Variants in ADAMTS17 observed in about 807,000 individuals in gnomAD.
ADAMTS17 encodes the protein ADAM metallopeptidase with thrombospondin type 1 motif 17.
A neutral mutation model predicts 141.5 loss-of-function variants in ADAMTS17; 113 were observed. The ratio of observed to expected loss-of-function variants is 0.80; its 90% CI spans 0.69 to 0.93. The LOEUF (loss-of-function observed/expected upper bound fraction) is 0.93. Among genes scored for constraint, ADAMTS17 ranks in the 40% least tolerant of loss-of-function variants. The pLI is 0.00. For missense variants in ADAMTS17, 1,659 were observed against 1,517.9 expected (o/e 1.09, Z -1.54); for synonymous variants, 768 against 630.6 (o/e 1.22, Z -3.27).
intron 7 of ADAMTS17, among the ~76,000 whole-genome samples, chr15:100,204,879 C>T (rs2141671422): frequency 6.6e-6 from 1 of 152,318 alleles, no homozygotes; most frequent in East Asian, 1.9e-4. Context: ...TGTGCTGGCA[C>T]ATTCTCTAAG....
Position 100,309,088 on chromosome 15 carries a change from G to T in ADAMTS17, c.616+21801C>A, listed in dbSNP as rs533049759. Among the ~76,000 whole-genome samples, 59 of 152,370 alleles carry T rather than the reference G, an allele frequency of 3.9e-4. 1 individual carries two copies. Among genetic ancestry groups the T allele is most frequent in the Middle Eastern group, 3.4e-3 (1 of 294 alleles). ...CCACAGAATGGCCATGTGGCCAGGG[G>T]CAATGGCTCAAGCCTGTGATCCCAG... On this transcript the variant is annotated intron_variant, in intron 3 of 21. Transcript: ENST00000268070.
At chr15:100,063,001 C>T (rs981906885) in intron 15 of ADAMTS17, among the ~76,000 whole-genome samples, 2 of 152,150 alleles carry the variant, frequency 1.3e-5, no homozygotes, top group Non-Finnish European at 2.9e-5. Context: ...CTGGGCTGAC[C>T]TTTGCTGGGG....
At chr15:100,137,231 T>C (rs954751480) in intron 10 of ADAMTS17, among the ~76,000 whole-genome samples, 1 of 152,172 alleles carries the variant, frequency 6.6e-6, no homozygotes, top group African/African-American at 2.4e-5. Context: ...ACAGAATTCA[T>C]GGGACGGAAA....
At chr15:100,135,999 C>T (rs560192250) in intron 10 of ADAMTS17, among the ~76,000 whole-genome samples, 1 of 152,316 alleles carries the variant, frequency 6.6e-6, no homozygotes, top group Non-Finnish European at 1.5e-5. Context: ...CTTGGTTCAA[C>T]AGCTTTGGAA....
At chr15:100,213,820 C>A (rs976835427) in intron 7 of ADAMTS17, among the ~76,000 whole-genome samples, 1 of 152,234 alleles carries the variant, frequency 6.6e-6, no homozygotes, top group East Asian at 1.9e-4. Context: ...TGGGAGCACA[C>A]GCACTACCAG....
chr15:100,222,134 G>GT (rs2042153303), intron 7 of ADAMTS17, among the ~76,000 whole-genome samples: 1 of 152,214 alleles, frequency 6.6e-6, no homozygotes, highest in African/African-American at 2.4e-5. Flanking sequence ...AATTTGCAAC[G>GT]TGACTATTTC....
At position 99,991,248 on chromosome 15, in the gene ADAMTS17, GA is replaced by G. The variant is rs928750221; in HGVS notation, c.2949+1799del. Among the ~76,000 whole-genome samples, 5 of 152,160 alleles carry G rather than the reference GA, an allele frequency of 3.3e-5. No homozygotes were observed. In the South Asian group the frequency reaches 6.2e-4, roughly 19 times the overall value. ...AGTGAACAGGCAACCTACAGAATGG[GA>G]AAAAATTTTGCAATCTATCCATCTG... On this transcript the variant is annotated intron_variant, in intron 20 of 21. Transcript: ENST00000268070.
chr15:100,245,446 A>G (rs184954930), intron 7 of ADAMTS17, among the ~76,000 whole-genome samples: 98 of 152,362 alleles, frequency 6.4e-4, no homozygotes, highest in African/African-American at 2.3e-3. Flanking sequence ...GCATTCATGC[A>G]CAGCCCTGTG....
chr15:99,982,009 G>A (rs971313743), intron 20 of ADAMTS17, among the ~76,000 whole-genome samples: 2 of 152,198 alleles, frequency 1.3e-5, no homozygotes, highest in Non-Finnish European at 2.9e-5. Context: ...GGCATGCTAC[G>A]TCCCCACTTA....
intron 12 of ADAMTS17, among the ~76,000 whole-genome samples, chr15:100,122,685 C>T (rs553626292): frequency 6.6e-6 from 1 of 152,076 alleles, no homozygotes; most frequent in Non-Finnish European, 1.5e-5. Flanking sequence ...ATACTATATT[C>T]TTATAGTAAA....
intron 4 of ADAMTS17, among the ~76,000 whole-genome samples, chr15:100,267,316 T>A (rs1004816182): frequency 6.6e-6 from 1 of 152,266 alleles, no homozygotes; most frequent in Non-Finnish European, 1.5e-5. Context: ...TTCCTTCCTT[T>A]TTAAGGCTGG....
At chr15:100,134,911 C>T (rs1019876652) in intron 10 of ADAMTS17, among the ~76,000 whole-genome samples, 14 of 152,204 alleles carry the variant, frequency 9.2e-5, no homozygotes, top group Non-Finnish European at 1.9e-4. Context: ...AGCCCCAGTG[C>T]AGCACAGCTG....
chr15:100,072,193 T>G (rs2141734659), intron 15 of ADAMTS17, among the ~76,000 whole-genome samples: 1 of 148,546 alleles, frequency 6.7e-6, no homozygotes. Context: ...GGAATCCAAC[T>G]TACAAGGGAT....
At chr15:100,271,237 C>T (rs1463563178) in intron 4 of ADAMTS17, among the ~76,000 whole-genome samples, 1 of 152,170 alleles carries the variant, frequency 6.6e-6, no homozygotes, top group Non-Finnish European at 1.5e-5. Context: ...CTTGTCCCTG[C>T]TTTGGGATAA....
rs1025843792 is a variant in ADAMTS17, at chr15:100,162,897, G to T, written c.1182-7577C>A. ...CTATATGTATATATATGTGTATATA[G>T]AACTATATATGTATATGTGTATATA... On this transcript the variant is annotated intron_variant, in intron 8 of 21. Coordinates refer to ENST00000268070, the MANE Select transcript of ADAMTS17 (RefSeq NM_139057.4). Among the ~76,000 whole-genome samples the T allele has an allele frequency of 1.2e-3, 163 of 138,818 alleles. 3 individuals carry two copies. In the East Asian group the frequency reaches 0.015, roughly 13 times the overall value. 91.1% of individuals were successfully genotyped at this position (138,818 alleles called of 152,430 possible).
intron 7 of ADAMTS17, among the ~76,000 whole-genome samples, chr15:100,249,908 G>T (rs1024984545): frequency 7.9e-5 from 12 of 152,176 alleles, no homozygotes; most frequent in Non-Finnish European, 2.9e-5. Flanking sequence ...TGAGGGTGGG[G>T]GTTAGGCCAT....
chr15:100,258,159 G>C lies in ADAMTS17; in HGVS notation c.1031+3320C>G, dbSNP rs140046330. Among the ~76,000 whole-genome samples the C allele has an allele frequency of 2.3e-3, 352 of 152,328 alleles. 6 individuals are homozygous for C. Among genetic ancestry groups the C allele is most frequent in the African/African-American group, 8.2e-3 (339 of 41,578 alleles). On this transcript the variant is annotated intron_variant, in intron 6 of 21. Coordinates refer to ENST00000268070, the MANE Select transcript of ADAMTS17 (RefSeq NM_139057.4). ...GTCACTCCCACCTCTTGGCTGTCATGAATAATGTTGCTGTGAACATGAGTG... is the reference window on the plus strand; with the variant it reads ...GTCACTCCCACCTCTTGGCTGTCATCAATAATGTTGCTGTGAACATGAGTG...
intron 8 of ADAMTS17, among the ~76,000 whole-genome samples, chr15:100,176,890 T>C (rs1318372710): frequency 3.9e-5 from 6 of 152,266 alleles, no homozygotes; most frequent in South Asian, 4.1e-4. Flanking sequence ...AACTAGCTTT[T>C]TAAAATTTGG....
chr15:100,292,463 TGA>T (rs539975725), intron 3 of ADAMTS17, among the ~76,000 whole-genome samples: 40 of 145,980 alleles, frequency 2.7e-4, no homozygotes, highest in Admixed American at 2.0e-3. Flanking sequence ...TGTGAAATTA[TGA>T]GAGATACTCA....
Sources: allele counts gnomAD v4.1 joint callset (sites outside exome capture counted in the v4.1 genomes callset), GRCh38; gene constraint gnomAD v4.1.1; transcripts MANE v1.5; gene names NCBI Gene and HGNC (gene_info 2026-07-23, HGNC 2026-07-21).